The following GRK7 variants were observed in gnomAD, a reference collection of about 807,000 sequenced individuals.
The protein encoded by GRK7 is G protein-coupled receptor kinase 7.
In GRK7, 24 loss-of-function variants were observed where a neutral mutation model predicts 34.1. That is an observed-to-expected ratio of 0.70 (90% CI 0.51 to 0.99). The LOEUF (loss-of-function observed/expected upper bound fraction) is 0.99, where lower values mean the gene tolerates loss of function less well. Ranked by LOEUF, GRK7 falls within the 50% of genes least tolerant of loss-of-function variation. The pLI is 0.00. For synonymous variants in GRK7, 256 were observed against 279.4 expected, an observed-to-expected ratio of 0.92 and a Z score of 0.84; for missense variants, 644 against 707.3, an observed-to-expected ratio of 0.91 and a Z score of 1.02.
At chr3:141,792,820 A>T (rs2084731101) in intron 4 of GRK7, among the ~76,000 whole-genome samples, 1 of 152,236 alleles carries the variant, frequency 6.6e-6, no homozygotes. Context: ...GAGACTGGTC[A>T]CCAGAAAAGC....
At chr3:141,799,031 G>A (rs939545416) in intron 4 of GRK7, among the ~76,000 whole-genome samples, 12 of 152,198 alleles carry the variant, frequency 7.9e-5, no homozygotes, top group African/African-American at 2.9e-4. Flanking sequence ...CCTTGGGGAG[G>A]TGGTTGCAGA....
chr3:141,757,129 C>CTTTTTTTTTTTTTTTTTTTTTT, the GRK7 span, among the ~76,000 whole-genome samples: 18 of 101,354 alleles, frequency 1.8e-4, no homozygotes, highest in Admixed American at 4.2e-4. Flanking sequence ...AGATCTTCTT[C>CTTTTTTTTTTTTTTTTTTTTTT]TTTTTTTTTT....
chr3:141,811,351 A>G (rs1711090502), intron 5 of GRK7, among the ~76,000 whole-genome samples: 2 of 151,994 alleles, frequency 1.3e-5, no homozygotes, highest in African/African-American at 4.8e-5. Context: ...AATAAAATAA[A>G]ATATATCTTA....
intron 3 of GRK7, among the ~76,000 whole-genome samples, chr3:141,779,324 G>GAGA (rs2084658843): frequency 6.8e-6 from 1 of 146,012 alleles, no homozygotes; most frequent in Non-Finnish European, 1.5e-5. Flanking sequence ...GCTGAAGCAG[G>GAGA]AGAATCACTT....
At chr3:141,802,630 C>T (rs890842151) in intron 4 of GRK7, among the ~76,000 whole-genome samples, 4 of 152,206 alleles carry the variant, frequency 2.6e-5, no homozygotes, top group African/African-American at 7.2e-5. Context: ...CTGTCAGCAG[C>T]ATATCCAGGC....
intron 4 of GRK7, among the ~76,000 whole-genome samples, chr3:141,803,824 C>A (rs1438712394): frequency 2.0e-5 from 3 of 152,138 alleles, no homozygotes; most frequent in Non-Finnish European, 4.4e-5. Flanking sequence ...CAGGTTCAAG[C>A]GATTCTCCTG....
At chr3:141,768,511 C>G (rs1274950852) in intron 1 of GRK7, among the ~76,000 whole-genome samples, 1 of 152,100 alleles carries the variant, frequency 6.6e-6, no homozygotes, top group East Asian at 1.9e-4. Context: ...AACTCCTGAC[C>G]TCAGGTGATC....
At chr3:141,765,923 A>G (rs2084578537) in intron 1 of GRK7, among the ~76,000 whole-genome samples, 185 bp downstream of exon 1, 3 of 152,222 alleles carry the variant, frequency 2.0e-5, no homozygotes, top group African/African-American at 7.2e-5. Context: ...GCAATGTGCT[A>G]TCAGGTAAGA....
At chr3:141,815,533 C>T (rs1711143604) in intron 5 of GRK7, among the ~76,000 whole-genome samples, 1 of 151,984 alleles carries the variant, frequency 6.6e-6, no homozygotes, top group Admixed American at 6.6e-5. Context: ...GTAGGCAGCC[C>T]CTAAGATGGC....
chr3:141,817,148 G>C lies in GRK7; in HGVS notation c.*98G>C, dbSNP rs993493462. On this transcript the variant is annotated 3_prime_UTR_variant, in exon 6 of 6. Transcript: ENST00000682958. ...CTGTGGAATGAGGGCTAATCAGTTA[G>C]GAGGGACATCACAACCACAAAACAA... is the stretch of plus-strand genomic sequence containing the variant. The C allele has an allele frequency of 1.0e-5, 9 of 884,172 alleles. No individual in the cohort carries two copies. The African/African-American group carries it at 1.5e-4, about 15-fold the overall frequency. 54.8% of individuals were successfully genotyped at this position (884,172 alleles called of 1,614,324 possible). A position where few individuals can be genotyped will look rare whatever the true frequency, so the allele number is the denominator to read the frequency against.
At chr3:141,774,131 G>C (rs1475133579) in intron 1 of GRK7, among the ~76,000 whole-genome samples, 2 of 152,138 alleles carry the variant, frequency 1.3e-5, no homozygotes, top group African/African-American at 4.8e-5. Context: ...CCTATTGTTA[G>C]CAATCACAGA....
At chr3:141,794,562 T>C (rs2084740527) in intron 4 of GRK7, among the ~76,000 whole-genome samples, 1 of 152,214 alleles carries the variant, frequency 6.6e-6, no homozygotes, top group Non-Finnish European at 1.5e-5. Context: ...CTTTGGGTGA[T>C]CGTCTCTGAT....
chr3:141,764,863 A>G lies in GRK7; in HGVS notation c.-1090A>G, dbSNP rs1172243841. On this transcript the variant is annotated 5_prime_UTR_variant, in exon 1 of 6. Transcript: ENST00000682958. ...CTGTTTACCAGAAATTCATCCTTCC[A>G]GTTACTCAGGCCCAAAACCTTGGAA... Among the ~76,000 whole-genome samples the G allele has an allele frequency of 1.3e-5, 2 of 152,116 alleles. No homozygotes were observed. Among genetic ancestry groups the G allele is most frequent in the Non-Finnish European group, 2.9e-5 (2 of 68,024 alleles).
At chr3:141,788,033 C>T (rs916172895) in intron 4 of GRK7, among the ~76,000 whole-genome samples, 1 of 151,956 alleles carries the variant, frequency 6.6e-6, no homozygotes. Context: ...AAACAAAAAA[C>T]GAGAACAAAA....
In GRK7 at chr3:141,778,672, G is replaced by A. The variant is rs773113276; in HGVS notation, c.388G>A (p.Val130Met). 3.1e-6 allele frequency: 5 copies of A among 1,613,568 alleles called. No homozygotes were observed. The highest frequency in any genetic ancestry group is 1.7e-4 in the Middle Eastern group (1 of 6,060). ...GNPQPFLSQA[V>M]ATKCQAATTE... is the part of the protein sequence containing the mutation. ...CCCGCAACCCTTCCTCAGCCAGGCC[G>A]TGGCCACCAAGTGCCAAGCAGCCAC... The change falls in exon 3 of 6, where the codon GTG becomes ATG. Residue 130 changes from valine to methionine, a missense_variant. Val to Met is a conservative substitution (Grantham distance 21, BLOSUM62 1). Transcript: ENST00000682958. The surrounding 1 kb of genome is among the most constrained non-coding windows in gnomAD (Gnocchi z 4.1).
intron 4 of GRK7, among the ~76,000 whole-genome samples, chr3:141,789,684 A>G: frequency 6.6e-6 from 1 of 150,686 alleles, no homozygotes; most frequent in African/African-American, 2.4e-5. Flanking sequence ...AAAACAGTGG[A>G]GGCCCCTAAT....
At chr3:141,816,566 A>C (rs756662531) in intron 5 of GRK7, 148 bp from the exon 6 acceptor site, 1 of 479,280 alleles carries the variant, frequency 2.1e-6, no homozygotes, top group Non-Finnish European at 3.6e-6. Flanking sequence ...AAAAGTTATT[A>C]TTTTTCAGTT....
chr3:141,755,834 G>A, the GRK7 span, among the ~76,000 whole-genome samples: 3 of 151,978 alleles, frequency 2.0e-5, no homozygotes, highest in Non-Finnish European at 4.4e-5. Flanking sequence ...ATCATCTAAG[G>A]TATTTGCTCA....
rs2084665170 is a variant in GRK7 at position 141,780,261 on chromosome 3, A to T, written c.613-113A>T. 3.3e-5 allele frequency: 28 copies of T among 843,412 alleles called. No individual in the cohort carries two copies. In the South Asian group the frequency reaches 5.1e-4, roughly 15 times the overall value. The allele number at this position is 843,412 out of a possible 1,614,324, so 52.2% of individuals were successfully genotyped here. On this transcript the variant is annotated intron_variant, in intron 3 of 5. Coordinates refer to ENST00000682958, the MANE Select transcript of GRK7 (RefSeq NM_139209.3). ...TTGAGAACACTTCTTATTTACAGCT[A>T]CTCCTTTCTCCAATGCCTAACATCT...
Sources: gnomAD v4.1 joint callset for allele counts (sites outside exome capture counted in the v4.1 genomes callset) on GRCh38, gnomAD v4.1.1 for gene constraint, Gnocchi (gnomAD v3.1) non-coding constraint, MANE v1.5 for transcripts, NCBI Gene and HGNC (gene_info 2026-07-23, HGNC 2026-07-21) for gene names.